Variants in STXBP5L observed in about 807,000 individuals in gnomAD.
STXBP5L encodes syntaxin-binding protein 5-like.
STXBP5L carries 65 observed loss-of-function variants against 144.5 expected under a neutral mutation model. The observed-to-expected ratio is 0.45, with a 90% CI of 0.37 to 0.55. The LOEUF (loss-of-function observed/expected upper bound fraction) is 0.55. Among genes scored for constraint, STXBP5L ranks in the 20% least tolerant of loss-of-function variants. STXBP5L has a pLI of 0.00. For missense variants in STXBP5L, 1,298 were observed against 1,405.5 expected, an observed-to-expected ratio of 0.92 and a Z score of 1.22; for synonymous variants, 505 against 469.6, an observed-to-expected ratio of 1.08 and a Z score of -0.97.
rs189350191 is a variant in STXBP5L, at chr3:120,938,986, G to T, written c.190-15954G>T. On this transcript the variant is annotated intron_variant, in intron 2 of 26. Coordinates refer to ENST00000471454, the MANE Select transcript of STXBP5L (RefSeq NM_001308330.2). ...TTTTGTAGAGATGGAGTCTCACTAT[G>T]TTGCCCAGGCTGGTCTCAACTCATA... 4.5e-4 allele frequency among the ~76,000 whole-genome samples: 68 copies of T among 152,078 alleles called. No homozygotes were observed. The East Asian group carries it at 0.013, about 28-fold the overall frequency.
At chr3:121,132,597 T>G (rs1229797830) in intron 7 of STXBP5L, among the ~76,000 whole-genome samples, 2 of 152,082 alleles carry the variant, frequency 1.3e-5, no homozygotes, top group Non-Finnish European at 1.5e-5. Flanking sequence ...GAAAGCAACA[T>G]AGAGAGTCAA....
chr3:121,274,053 A>G (rs2050806254), intron 18 of STXBP5L, among the ~76,000 whole-genome samples: 2 of 152,232 alleles, frequency 1.3e-5, no homozygotes, highest in Non-Finnish European at 2.9e-5. Flanking sequence ...ATCATTTTTC[A>G]GATAACTAAT....
chr3:121,003,177 G>A (rs1177864648), intron 3 of STXBP5L, among the ~76,000 whole-genome samples: 1 of 152,174 alleles, frequency 6.6e-6, no homozygotes. Flanking sequence ...CACCAACAGT[G>A]TAAAAGTGTT....
At chr3:121,274,630 C>T (rs1371684687) in intron 18 of STXBP5L, among the ~76,000 whole-genome samples, 1 of 152,196 alleles carries the variant, frequency 6.6e-6, no homozygotes. Context: ...AGCCAGGGCT[C>T]TGTGGTCAGA....
At chr3:121,242,909 G>A (rs1395122848) in intron 14 of STXBP5L, among the ~76,000 whole-genome samples, 1 of 152,126 alleles carries the variant, frequency 6.6e-6, no homozygotes. Context: ...AAGCCATTAG[G>A]ACAACTTCAG....
intron 18 of STXBP5L, among the ~76,000 whole-genome samples, chr3:121,275,855 T>G (rs1253279169): frequency 6.6e-6 from 1 of 152,132 alleles, no homozygotes; most frequent in Non-Finnish European, 1.5e-5. Context: ...TTTTTTAAAT[T>G]AGTGTTTTCA....
chr3:120,991,881 C>T (rs1052102561), intron 3 of STXBP5L, among the ~76,000 whole-genome samples: 1 of 152,042 alleles, frequency 6.6e-6, no homozygotes, highest in African/African-American at 2.4e-5. Context: ...TTAATGGGTG[C>T]AGCATACCAA....
intron 20 of STXBP5L, among the ~76,000 whole-genome samples, chr3:121,365,138 A>C (rs964871202): frequency 6.6e-6 from 1 of 151,942 alleles, no homozygotes; most frequent in African/African-American, 2.4e-5. Flanking sequence ...TAATTCCATT[A>C]ATATGCTACT....
chr3:121,344,368 G>A (rs1401862681), intron 20 of STXBP5L, among the ~76,000 whole-genome samples: 3 of 152,036 alleles, frequency 2.0e-5, no homozygotes, highest in Non-Finnish European at 2.9e-5. Context: ...AACACCAAAA[G>A]CAATGGCAAC....
At chr3:121,401,834 T>C (rs1206534546) in intron 22 of STXBP5L, among the ~76,000 whole-genome samples, 1 of 140,366 alleles carries the variant, frequency 7.1e-6, no homozygotes, top group Non-Finnish European at 1.5e-5. Flanking sequence ...GCATGGCACA[T>C]GTATACATAT....
chr3:121,075,064 A>G (rs1387597628), intron 5 of STXBP5L, among the ~76,000 whole-genome samples: 3 of 152,110 alleles, frequency 2.0e-5, no homozygotes, highest in Non-Finnish European at 4.4e-5. Flanking sequence ...TTGGGGCCTA[A>G]TGAAGTGGAA....
chr3:121,286,752 G>A (rs1449261331), intron 19 of STXBP5L, among the ~76,000 whole-genome samples: 1 of 151,744 alleles, frequency 6.6e-6, no homozygotes, highest in East Asian at 1.9e-4. Flanking sequence ...CCTCCTGCCT[G>A]AAAACCCCAC....
chr3:121,121,732 G>T, intron 7 of STXBP5L, 28 bp downstream of exon 7: 1 of 1,516,242 alleles, frequency 6.6e-7, no homozygotes, highest in Non-Finnish European at 9.1e-7. Flanking sequence ...TTTATTATTA[G>T]TTTTATTTTC....
intron 3 of STXBP5L, among the ~76,000 whole-genome samples, chr3:121,011,662 T>TA (rs1298900347): frequency 4.0e-5 from 6 of 151,398 alleles, no homozygotes; most frequent in African/African-American, 9.7e-5. Flanking sequence ...ATATTCACTT[T>TA]TAAAAAAAAA....
intron 5 of STXBP5L, among the ~76,000 whole-genome samples, chr3:121,053,478 A>G (rs1353918468): frequency 2.0e-5 from 3 of 152,356 alleles, no homozygotes; most frequent in African/African-American, 7.2e-5. Context: ...CCTGACAAAA[A>G]CAAGAAATGG....
At chr3:121,400,719 T>G (rs1374177756) in intron 22 of STXBP5L, among the ~76,000 whole-genome samples, 1 of 152,210 alleles carries the variant, frequency 6.6e-6, no homozygotes, top group African/African-American at 2.4e-5. Context: ...CCCTCAGGTC[T>G]GGTCTGGACT....
intron 3 of STXBP5L, among the ~76,000 whole-genome samples, chr3:120,996,501 A>G (rs1943360333): frequency 6.6e-6 from 1 of 152,116 alleles, no homozygotes; most frequent in Non-Finnish European, 1.5e-5. Context: ...AGCAAACTTC[A>G]AGTATACAAC....
At chr3:121,156,703 A>T (rs1157570847) in intron 8 of STXBP5L, among the ~76,000 whole-genome samples, 2 of 151,954 alleles carry the variant, frequency 1.3e-5, no homozygotes, top group East Asian at 3.8e-4. Context: ...CTATAATAGG[A>T]AATATTTTAA....
intron 3 of STXBP5L, among the ~76,000 whole-genome samples, chr3:121,040,224 C>A (rs1947054333): frequency 1.3e-5 from 2 of 151,908 alleles, no homozygotes; most frequent in Admixed American, 1.3e-4. Flanking sequence ...CTATAATTAT[C>A]CTTGATCTTT....
Sources: allele counts gnomAD v4.1 joint callset (sites outside exome capture counted in the v4.1 genomes callset), GRCh38; gene constraint gnomAD v4.1.1; transcripts MANE v1.5; gene names NCBI Gene and HGNC (gene_info 2026-07-23, HGNC 2026-07-21).